Variants in MSI2 observed in about 807,000 individuals in gnomAD.
MSI2 encodes RNA-binding protein Musashi homolog 2.
A neutral mutation model predicts 45.6 loss-of-function variants in MSI2; 17 were observed. The ratio of observed to expected loss-of-function variants is 0.37; its 90% CI spans 0.26 to 0.56. The LOEUF is 0.56. MSI2 is among the 20% of genes least tolerant of loss of function. MSI2 has a pLI of 0.77. For synonymous variants in MSI2, 156 were observed against 158.2 expected (o/e 0.99, Z 0.11); for missense variants, 293 against 444.2 (o/e 0.66, Z 3.06).
rs181360465 is a variant in MSI2 at position 57,570,872 on chromosome 17, G to A, written c.455-25996G>A. 4.7e-3 allele frequency among the ~76,000 whole-genome samples: 713 copies of A among 152,234 alleles called. 10 individuals are homozygous for A. The highest frequency in any genetic ancestry group is 0.016 in the African/African-American group (662 of 41,542). On this transcript the variant is annotated intron_variant, in intron 7 of 13. Transcript: ENST00000284073. The stretch of plus-strand genomic sequence containing the variant: ...TGGCAGGCCGATCTGGCAGGCAGGT[G>A]TGTGAGTCCTGGCTGGGTTGGCTTT...
At chr17:57,421,466 G>A (rs62060450) in intron 6 of MSI2, among the ~76,000 whole-genome samples, 9,711 of 152,138 alleles carry the variant, frequency 0.064, 318 homozygotes, top group Middle Eastern at 0.092. Context: ...GACAAGGCCT[G>A]GGAATGTAGA....
At position 57,668,547 on chromosome 17, in the gene MSI2, G is replaced by C. The variant is rs570701955; in HGVS notation, c.791-6425G>C. On this transcript the variant is annotated intron_variant, in intron 11 of 13. Transcript: ENST00000284073. Reference sequence around the variant, plus strand: ...AGAAACTACAACTTATCATAAGACTGGCGCCATTGTCACTGACATTTGGAA... The same window carrying C: ...AGAAACTACAACTTATCATAAGACTCGCGCCATTGTCACTGACATTTGGAA... 2.0e-5 allele frequency among the ~76,000 whole-genome samples: 3 copies of C among 152,192 alleles called. No individual in the cohort carries two copies. In the South Asian group the frequency reaches 6.2e-4, roughly 32 times the overall value.
chr17:57,467,178 C>T (rs1329714948), intron 6 of MSI2, among the ~76,000 whole-genome samples: 1 of 152,228 alleles, frequency 6.6e-6, no homozygotes, highest in Non-Finnish European at 1.5e-5. Flanking sequence ...AAGCCTCTGT[C>T]CCTGAAGACA....
chr17:57,700,863 CTG>C, the MSI2 span, among the ~76,000 whole-genome samples: 1 of 151,750 alleles, frequency 6.6e-6, no homozygotes, highest in African/African-American at 2.4e-5. Flanking sequence ...GATCATACCA[CTG>C]TACTCCAGAC....
At chr17:57,663,844 AT>A (rs1378228209) in intron 11 of MSI2, among the ~76,000 whole-genome samples, 1 of 152,132 alleles carries the variant, frequency 6.6e-6, no homozygotes, top group African/African-American at 2.4e-5. Context: ...AGGCTTGGAA[AT>A]GATCTGCTGG....
chr17:57,479,610 A>G (rs911024351), intron 6 of MSI2, among the ~76,000 whole-genome samples: 1 of 152,238 alleles, frequency 6.6e-6, no homozygotes, highest in Non-Finnish European at 1.5e-5. Flanking sequence ...AATCAGGATT[A>G]GAAATTCTGG....
chr17:57,455,576 C>T (rs1393395080), intron 6 of MSI2, among the ~76,000 whole-genome samples: 1 of 152,180 alleles, frequency 6.6e-6, no homozygotes, highest in African/African-American at 2.4e-5. Flanking sequence ...TCTCTCTCCT[C>T]ATGCCCCCTG....
At chr17:57,497,419 G>C (rs1278429028) in intron 6 of MSI2, among the ~76,000 whole-genome samples, 1 of 152,232 alleles carries the variant, frequency 6.6e-6, no homozygotes. Flanking sequence ...GCAGCTGTGT[G>C]TGGCAGGAAG....
chr17:57,356,031 G>A (rs1298917977), intron 5 of MSI2, among the ~76,000 whole-genome samples: 5 of 151,690 alleles, frequency 3.3e-5, no homozygotes, highest in Non-Finnish European at 5.9e-5. Context: ...CCACCCCCAC[G>A]CCCAGCTAAT....
intron 6 of MSI2, among the ~76,000 whole-genome samples, chr17:57,514,650 CT>C (rs11318524): frequency 0.52 from 70,130 of 135,328 alleles, 17,157 homozygotes; most frequent in Middle Eastern, 0.58. Context: ...TGAATTGATA[CT>C]TTTTTTTTTT....
chr17:57,319,035 G>T lies in MSI2; in HGVS notation c.312+56843G>T, dbSNP rs529117299. 2.0e-5 allele frequency among the ~76,000 whole-genome samples: 3 copies of T among 152,342 alleles called. No individual in the cohort carries two copies. In the East Asian group the frequency reaches 5.8e-4, roughly 29 times the overall value. Reference sequence around the variant, plus strand: ...GAAAGGACAACTTTTGTGCCCACTGGAAAGTGTGTGTGGGGAGCTGTGGCC... The same window carrying T: ...GAAAGGACAACTTTTGTGCCCACTGTAAAGTGTGTGTGGGGAGCTGTGGCC... On this transcript the variant is annotated intron_variant, in intron 5 of 13. Transcript: ENST00000284073.
At position 57,488,906 on chromosome 17, in the gene MSI2, T is replaced by C. The variant is rs533324050; in HGVS notation, c.406-40770T>C. Among the ~76,000 whole-genome samples the C allele has an allele frequency of 8.8e-4, 134 of 151,450 alleles. 1 individual carries two copies. The highest frequency in any genetic ancestry group is 3.2e-3 in the African/African-American group (133 of 41,272). On this transcript the variant is annotated intron_variant, in intron 6 of 13. Coordinates refer to ENST00000284073, the MANE Select transcript of MSI2 (RefSeq NM_138962.4). ...TGTGCAGACACGATAAGAGGGAAGA[T>C]CAGATGTGCTGGCAGAGAGCTCCAA...
intron 7 of MSI2, among the ~76,000 whole-genome samples, chr17:57,554,983 C>T (rs1200289884): frequency 1.3e-5 from 2 of 152,264 alleles, no homozygotes; most frequent in Non-Finnish European, 2.9e-5. Flanking sequence ...TGCTCTCCTA[C>T]TCCTTTCCTC....
chr17:57,498,456 A>T (rs937530372), intron 6 of MSI2, among the ~76,000 whole-genome samples: 1 of 152,260 alleles, frequency 6.6e-6, no homozygotes, highest in Non-Finnish European at 1.5e-5. Flanking sequence ...GTTGTTTTGA[A>T]CTGTGAGGTA....
intron 5 of MSI2, among the ~76,000 whole-genome samples, chr17:57,311,124 T>C (rs945605981): frequency 6.6e-6 from 1 of 152,212 alleles, no homozygotes; most frequent in African/African-American, 2.4e-5. Context: ...TTGGTGTTGT[T>C]TGTAGAAAAT....
chr17:57,363,769 CAACA>C (rs1178181714), intron 5 of MSI2, among the ~76,000 whole-genome samples: 1 of 123,164 alleles, frequency 8.1e-6, no homozygotes, highest in Non-Finnish European at 1.7e-5. Flanking sequence ...ACAACAACAA[CAACA>C]AACAACAACA....
At chr17:57,326,279 G>A (rs1026494432) in intron 5 of MSI2, among the ~76,000 whole-genome samples, 10 of 151,802 alleles carry the variant, frequency 6.6e-5, no homozygotes, top group African/African-American at 2.4e-4. Flanking sequence ...TCTTGATCCC[G>A]CTTAGTGTGG....
chr17:57,612,345 C>G lies in MSI2; in HGVS notation c.538-3625C>G, dbSNP rs1907257341. 2.1e-5 allele frequency among the ~76,000 whole-genome samples: 2 copies of G among 93,938 alleles called. 1 individual carries two copies. The highest frequency in any genetic ancestry group is 5.1e-5 in the Non-Finnish European group (2 of 39,166). 61.6% of individuals were successfully genotyped at this position (93,938 alleles called of 152,430 possible). On this transcript the variant is annotated intron_variant, in intron 8 of 13. Coordinates refer to ENST00000284073, the MANE Select transcript of MSI2 (RefSeq NM_138962.4). ...ACTTGCCTGGCGTGTTGAGTTCCTC[C>G]GCATCTGCGTCATTGAATTAAGTGG...
intron 6 of MSI2, among the ~76,000 whole-genome samples, chr17:57,446,526 A>G (rs1014468944): frequency 1.3e-5 from 2 of 152,352 alleles, no homozygotes; most frequent in African/African-American, 2.4e-5. Flanking sequence ...TAAAGGTGCC[A>G]AGCACGTAGA....
Sources: allele counts gnomAD v4.1 joint callset (sites outside exome capture counted in the v4.1 genomes callset), GRCh38; gene constraint gnomAD v4.1.1; transcripts MANE v1.5; gene names NCBI Gene and HGNC (gene_info 2026-07-23, HGNC 2026-07-21).